MEIG1: variants seen among roughly 807,000 people sequenced by gnomAD.
MEIG1 encodes meiosis/spermiogenesis associated 1.
MEIG1 carries 12 observed loss-of-function variants against 11.3 expected under a neutral mutation model. The ratio of observed to expected loss-of-function variants is 1.07; its 90% CI spans 0.68 to 1.73. The LOEUF is 1.73. Ranked by LOEUF, MEIG1 falls within the 40% of genes most tolerant of loss-of-function variation. MEIG1 has a pLI of 0.00. For synonymous variants in MEIG1, 41 were observed against 33.2 expected, an observed-to-expected ratio of 1.24 and a Z score of -0.81; for missense variants, 119 against 104.9, an observed-to-expected ratio of 1.13 and a Z score of -0.59.
rs1589215993 is a variant in MEIG1, at chr10:14,983,282, A to C, written n.67-3514A>C. Among the ~76,000 whole-genome samples the C allele has an allele frequency of 3.3e-5, 5 of 152,236 alleles. No homozygotes were observed. The Middle Eastern group carries it at 0.014, about 414-fold the overall frequency. ...CTCCTAATATTCACGGAAGAAGAGA[A>C]TGCTATTACTCCCAGTATCGCAGGA... On this transcript the variant is annotated intron_variant and non_coding_transcript_variant, in intron 1 of 2. Transcript: ENST00000467536.
At chr10:14,977,284 T>G (rs1843219283), downstream of MEIG1, among the ~76,000 whole-genome samples, 1 of 151,998 alleles carries the variant, frequency 6.6e-6, no homozygotes, top group African/African-American at 2.4e-5. Context: ...CCCCATGTTA[T>G]TATTCTTACT....
At position 14,972,284 on chromosome 10, in the gene MEIG1, G is replaced by A. The variant is rs185911970; in HGVS notation, c.139-229G>A. Among the ~76,000 whole-genome samples, 45 of 152,192 alleles carry A rather than the reference G, an allele frequency of 3.0e-4. No individual in the cohort carries two copies. In the East Asian group the frequency reaches 3.7e-3, roughly 12 times the overall value. ...CCTGCCTCAGCCTCCCAGAGTGCTG[G>A]GATTACAGGCATGAGCTACTGCACT... On this transcript the variant is annotated intron_variant, in intron 2 of 2. Transcript: ENST00000407572.
chr10:14,975,481 T>C (rs1251993217), downstream of MEIG1, among the ~76,000 whole-genome samples: 1 of 151,930 alleles, frequency 6.6e-6, no homozygotes, highest in Non-Finnish European at 1.5e-5. Flanking sequence ...ACTCCCAATA[T>C]CACAGAAAGT....
chr10:14,974,819 T>C (rs541825037), downstream of MEIG1, among the ~76,000 whole-genome samples: 1 of 152,156 alleles, frequency 6.6e-6, no homozygotes, highest in South Asian at 2.1e-4. Flanking sequence ...TAATAATTAA[T>C]ATTAATATTA....
intron 1 of MEIG1, among the ~76,000 whole-genome samples, chr10:14,984,390 A>G (rs767515375): frequency 6.6e-6 from 1 of 152,066 alleles, no homozygotes. Flanking sequence ...ACACCCTGCG[A>G]TATTATTCGT....
downstream of MEIG1, among the ~76,000 whole-genome samples, chr10:14,976,166 T>A (rs1457137819): frequency 6.6e-6 from 1 of 152,150 alleles, no homozygotes; most frequent in Admixed American, 6.5e-5. Flanking sequence ...TTTCCTAGGA[T>A]CTTTTCTCTA....
chr10:14,977,054 C>T (rs1229648027), downstream of MEIG1, among the ~76,000 whole-genome samples: 6 of 151,872 alleles, frequency 4.0e-5, no homozygotes, highest in African/African-American at 1.2e-4. Context: ...AATGTCCTAG[C>T]GCAATTTTAC....
chr10:14,980,128 G>A (rs1175053925), intron 1 of MEIG1, among the ~76,000 whole-genome samples: 3 of 151,978 alleles, frequency 2.0e-5, no homozygotes, highest in Middle Eastern at 3.4e-3. Flanking sequence ...GATATTATTC[G>A]TAATATCCTA....
chr10:14,981,383 C>T (rs984094596), intron 1 of MEIG1, among the ~76,000 whole-genome samples: 2 of 152,090 alleles, frequency 1.3e-5, no homozygotes, highest in Non-Finnish European at 2.9e-5. Flanking sequence ...AAGTCCCTTC[C>T]CAGCAAGGTC....
intron 2 of MEIG1, chr10:14,970,351 G>T (rs1434850219): frequency 6.6e-6 from 1 of 152,254 alleles, no homozygotes; most frequent in African/African-American, 2.4e-5. Flanking sequence ...ATGTCTAGAA[G>T]TCAACAAGCA....
chr10:14,956,638 A>G (rs544380214), upstream of MEIG1, among the ~76,000 whole-genome samples: 29 of 152,326 alleles, frequency 1.9e-4, no homozygotes, highest in South Asian at 6.0e-3. Context: ...GCAGGAATTC[A>G]GGTAGGAAGC....
At chr10:14,957,264 T>C (rs1842961095), upstream of MEIG1, among the ~76,000 whole-genome samples, 1 of 152,182 alleles carries the variant, frequency 6.6e-6, no homozygotes, top group South Asian at 2.1e-4. Flanking sequence ...AAGTAGCTTG[T>C]CCAGGGTCAT....
intron 1 of MEIG1, among the ~76,000 whole-genome samples, chr10:14,965,065 C>G (rs901284372): frequency 1.3e-5 from 2 of 150,644 alleles, no homozygotes; most frequent in African/African-American, 2.4e-5. Context: ...ATTACAGGCT[C>G]GAGCCACCAT....
chr10:14,958,372 ATAATT>A (rs1261309890), upstream of MEIG1, among the ~76,000 whole-genome samples: 1 of 152,324 alleles, frequency 6.6e-6, no homozygotes, highest in African/African-American at 2.4e-5. Flanking sequence ...AGAAGTTTAT[ATAATT>A]TAATTTGTGA....
chr10:14,981,833 C>T (rs1335296238), intron 1 of MEIG1, among the ~76,000 whole-genome samples: 2 of 152,178 alleles, frequency 1.3e-5, no homozygotes, highest in Non-Finnish European at 1.5e-5. Context: ...GTTTCTTTCC[C>T]AGGGCCCCCC....
In MEIG1 at chr10:14,972,538, A is replaced by T. The variant is rs1417829290; in HGVS notation, c.164A>T (p.Tyr55Phe). The stretch of plus-strand genomic sequence containing the variant: ...GTAGATCGTTGGCCGGAGACAGGAT[A>T]TGTGAAGAAACTTCAGAGAAGGGAC... ...SMVDRWPETG[Y>F]VKKLQRRDNT... Residue 55 changes from tyrosine to phenylalanine, a missense_variant, in exon 3 of 3, where the codon TAT (tyrosine) becomes TTT (phenylalanine). Coordinates refer to ENST00000407572, the MANE Select transcript of MEIG1 (RefSeq NM_001080836.3). The T allele has an allele frequency of 1.2e-6, 2 of 1,614,012 alleles. No homozygotes were observed. The highest frequency in any genetic ancestry group is 2.2e-5 in the East Asian group (1 of 44,876).
At chr10:14,987,132 T>A (rs1351724642) in intron 2 of MEIG1, 14 of 843,096 alleles carry the variant, frequency 1.7e-5, no homozygotes, top group African/African-American at 3.4e-5. Flanking sequence ...AAGAAAGACA[T>A]CTGTGTCAGG....
chr10:14,955,069 C>CT (rs1037941593), upstream of MEIG1, among the ~76,000 whole-genome samples: 10 of 152,178 alleles, frequency 6.6e-5, no homozygotes, highest in African/African-American at 2.4e-4. Context: ...GTAGCTGGGA[C>CT]TACAGGCACG....
chr10:14,985,274 GAT>G (rs1323666123), intron 1 of MEIG1, among the ~76,000 whole-genome samples: 2 of 151,884 alleles, frequency 1.3e-5, no homozygotes, highest in Non-Finnish European at 2.9e-5. Flanking sequence ...TACACCCTGT[GAT>G]ATGACTCGTC....
Sources: allele counts gnomAD v4.1 joint callset (sites outside exome capture counted in the v4.1 genomes callset), GRCh38; gene constraint gnomAD v4.1.1; transcripts MANE v1.5; gene names NCBI Gene and HGNC (gene_info 2026-07-23, HGNC 2026-07-21).